The following COL8A1 variants were observed in gnomAD, a reference collection of about 807,000 sequenced individuals.
COL8A1 encodes the protein collagen alpha-1(VIII) chain.
Under a neutral mutation model 42.7 loss-of-function variants are expected in COL8A1, and 21 were observed. That is an observed-to-expected ratio of 0.49 (90% CI 0.35 to 0.71). COL8A1 has a LOEUF of 0.71. Among genes scored for constraint, COL8A1 ranks in the 30% least tolerant of loss-of-function variants. The pLI is 0.01. For missense variants in COL8A1, 788 were observed against 962.4 expected, an observed-to-expected ratio of 0.82 and a Z score of 2.40; for synonymous variants, 367 against 369.1, an observed-to-expected ratio of 0.99 and a Z score of 0.06.
chr3:99,739,408 A>AAC, intron 1 of COL8A1, among the ~76,000 whole-genome samples: 1 of 151,854 alleles, frequency 6.6e-6, no homozygotes, highest in Non-Finnish European at 1.5e-5. Context: ...GTGTGGGGGG[A>AAC]CCAACCCCAC....
chr3:99,682,629 AG>A (rs1318309819), intron 1 of COL8A1, among the ~76,000 whole-genome samples: 471 of 149,794 alleles, frequency 3.1e-3, no homozygotes, highest in Middle Eastern at 7.0e-3. Context: ...AAAAAAAAAA[AG>A]AAGTGCCTTA....
chr3:99,780,033 C>A (rs75662555), intron 2 of COL8A1, among the ~76,000 whole-genome samples: 1 of 152,172 alleles, frequency 6.6e-6, no homozygotes, highest in Admixed American at 6.5e-5. Flanking sequence ...TGTCACGGAA[C>A]GTGTGCTCAA....
intron 1 of COL8A1, chr3:99,679,844 T>C (rs1290736892): frequency 3.3e-5 from 5 of 152,346 alleles, no homozygotes; most frequent in East Asian, 1.9e-4. Context: ...GATTAATTAC[T>C]GTAGCTGAAA....
At chr3:99,688,946 T>G (rs1939141783) in intron 1 of COL8A1, among the ~76,000 whole-genome samples, 1 of 151,942 alleles carries the variant, frequency 6.6e-6, no homozygotes, top group Non-Finnish European at 1.5e-5. Flanking sequence ...CATTCTCCCC[T>G]CCCCAGCTGT....
At chr3:99,793,436 T>TACAC (rs66839546) in intron 3 of COL8A1, among the ~76,000 whole-genome samples, 79 of 149,452 alleles carry the variant, frequency 5.3e-4, no homozygotes, top group East Asian at 2.2e-3. Context: ...TTGTTTAAAA[T>TACAC]ACACACACAC....
intron 2 of COL8A1, among the ~76,000 whole-genome samples, chr3:99,773,395 ATCACTGCAT>A (rs1165427939): frequency 6.6e-6 from 1 of 152,062 alleles, no homozygotes; most frequent in Non-Finnish European, 1.5e-5. Flanking sequence ...CTAACCTATT[ATCACTGCAT>A]TTTAGTACGA....
At chr3:99,657,165 T>G (rs78595788) in intron 1 of COL8A1, among the ~76,000 whole-genome samples, 5,917 of 152,278 alleles carry the variant, frequency 0.039, 345 homozygotes, top group East Asian at 0.24. Flanking sequence ...AAGCCAAAGA[T>G]GTACTGAGAA....
chr3:99,699,126 C>A (rs1030415269), intron 1 of COL8A1, among the ~76,000 whole-genome samples: 1 of 152,148 alleles, frequency 6.6e-6, no homozygotes, highest in African/African-American at 2.4e-5. Context: ...TGCATATGTT[C>A]ATTAAAATTC....
intron 1 of COL8A1, among the ~76,000 whole-genome samples, chr3:99,720,699 T>C (rs868246494): frequency 5.9e-5 from 9 of 152,170 alleles, no homozygotes; most frequent in Non-Finnish European, 1.3e-4. Context: ...CTGTGTGAAT[T>C]GGCTCATCAT....
intron 2 of COL8A1, among the ~76,000 whole-genome samples, chr3:99,775,864 T>C (rs1416550228): frequency 1.3e-5 from 2 of 152,198 alleles, no homozygotes; most frequent in African/African-American, 4.8e-5. Context: ...GCTTCTGGCT[T>C]TTCTGCTGCA....
intron 1 of COL8A1, among the ~76,000 whole-genome samples, chr3:99,710,177 A>G (rs760686054): frequency 2.0e-5 from 3 of 152,188 alleles, no homozygotes; most frequent in African/African-American, 7.2e-5. Flanking sequence ...CTAGAAGAAG[A>G]TGACCTGGAA....
At chr3:99,787,857 T>TAC (rs76817799) in intron 2 of COL8A1, among the ~76,000 whole-genome samples, 176 of 148,598 alleles carry the variant, frequency 1.2e-3, no homozygotes, top group East Asian at 6.5e-3. Context: ...AGAACACAAA[T>TAC]ACACACACAC....
intron 2 of COL8A1, among the ~76,000 whole-genome samples, chr3:99,773,926 C>A (rs1353176002): frequency 7.0e-6 from 1 of 142,710 alleles, no homozygotes; most frequent in African/African-American, 2.6e-5. Flanking sequence ...CCCACTGCAA[C>A]CTCCGCCTAC....
Position 99,796,024 on chromosome 3 carries a change from T to G in COL8A1, c.2123T>G (p.Leu708Arg). ...DQASGSAVLL[L>R]RPGDRVFLQM... The stretch of plus-strand genomic sequence containing the variant: ...GCATCTGGGAGTGCAGTGCTGCTGC[T>G]CAGGCCCGGAGACCGGGTGTTCCTC... Residue 708 changes from leucine to arginine, a missense_variant, in exon 4 of 4, where the codon CTC (leucine) becomes CGC (arginine). Leu to Arg is a moderately radical substitution (Grantham distance 102). Transcript: ENST00000652472. The G allele has an allele frequency of 6.2e-7, 1 of 1,613,738 alleles. No individual in the cohort carries two copies. The highest frequency in any genetic ancestry group is 1.1e-5 in the South Asian group (1 of 91,072).
At chr3:99,733,142 CTTT>C (rs111754426) in intron 1 of COL8A1, among the ~76,000 whole-genome samples, 1 of 137,906 alleles carries the variant, frequency 7.3e-6, no homozygotes, top group African/African-American at 2.6e-5. Flanking sequence ...TTTAAACTTT[CTTT>C]TTTTTATTAT....
intron 2 of COL8A1, among the ~76,000 whole-genome samples, chr3:99,747,476 C>G (rs1450538357): frequency 1.3e-5 from 2 of 152,152 alleles, no homozygotes; most frequent in Admixed American, 1.3e-4. Flanking sequence ...CAAAAATATC[C>G]ACGGAAAACC....
chr3:99,790,996 C>A lies in COL8A1; in HGVS notation c.314C>A (p.Pro105His), dbSNP rs182714624. Residue 105 changes from proline (P) to histidine (H), a missense_variant, in exon 3 of 4, where the codon CCC (proline) becomes CAC (histidine). By Grantham distance (77) the Pro-to-His change is moderately conservative (BLOSUM62 -2). This residue lies in a region of COL8A1 where 421 missense variants were observed against 553.1 expected (regional missense o/e 0.76). Coordinates refer to ENST00000652472, the MANE Select transcript of COL8A1 (RefSeq NM_020351.4). Reference sequence around the variant, plus strand: ...CCAAGAATGGGCAAGGAAGCCGTACCCAAGAAAGGCAAAGGTAACATCATA... The same window carrying A: ...CCAAGAATGGGCAAGGAAGCCGTACACAAGAAAGGCAAAGGTAACATCATA... ...PAPRMGKEAVPKKGKEIPLAS... is the reference protein window; with the variant it reads ...PAPRMGKEAVHKKGKEIPLAS... 2 of 1,611,262 alleles carry A rather than the reference C, an allele frequency of 1.2e-6. No homozygotes were observed. Among genetic ancestry groups the A allele is most frequent in the South Asian group, 1.1e-5 (1 of 90,996 alleles).
intron 1 of COL8A1, among the ~76,000 whole-genome samples, chr3:99,653,780 C>T (rs1243056979): frequency 6.6e-6 from 1 of 151,254 alleles, no homozygotes; most frequent in Non-Finnish European, 1.5e-5. Flanking sequence ...CAATAAATCT[C>T]CTTAAGCCCT....
chr3:99,752,597 T>C (rs1420521773), intron 2 of COL8A1, among the ~76,000 whole-genome samples: 1 of 152,122 alleles, frequency 6.6e-6, no homozygotes, highest in Non-Finnish European at 1.5e-5. Flanking sequence ...AATCCCTGAT[T>C]GCACTCACCT....
Sources: allele counts gnomAD v4.1 joint callset (sites outside exome capture counted in the v4.1 genomes callset), GRCh38; gene constraint gnomAD v4.1.1; regional missense constraint gnomAD v4.1.1; transcripts MANE v1.5; gene names NCBI Gene and HGNC (gene_info 2026-07-23, HGNC 2026-07-21).